Variants in TRMT9B observed in about 807,000 individuals in gnomAD.
The protein encoded by TRMT9B is probable tRNA methyltransferase 9B.
A neutral mutation model predicts 11.5 loss-of-function variants in TRMT9B; 16 were observed. The ratio of observed to expected loss-of-function variants is 1.39; its 90% CI spans 0.94 to 2.11. The LOEUF (loss-of-function observed/expected upper bound fraction) is 2.11. Among genes scored for constraint, TRMT9B ranks in the 30% most tolerant of loss-of-function variants. The pLI is 0.00. For missense variants in TRMT9B, 941 were observed against 553.8 expected (o/e 1.70, Z -7.02); for synonymous variants, 274 against 192.4 (o/e 1.42, Z -3.51).
At chr8:13,008,977 C>T (rs912746157) in intron 3 of TRMT9B, among the ~76,000 whole-genome samples, 1 of 151,960 alleles carries the variant, frequency 6.6e-6, no homozygotes, top group African/African-American at 2.4e-5. Context: ...ATCCACCGAC[C>T]TTCGCCTCCC....
chr8:12,989,978 A>G lies in TRMT9B; in HGVS notation c.-199-856A>G, dbSNP rs191933154. Among the ~76,000 whole-genome samples, 101 of 152,286 alleles carry G rather than the reference A, an allele frequency of 6.6e-4. 1 individual carries two copies. The highest frequency in any genetic ancestry group is 5.8e-3 in the Admixed American group (88 of 15,294). On this transcript the variant is annotated intron_variant, in intron 1 of 4. Transcript: ENST00000524591. ...TTTCCAAAGCACATCCAGATCATTG[A>G]TTCTTAAATAGGGGCCAGGACTAGG...
chr8:13,003,901 A>T (rs1171501354), intron 2 of TRMT9B, among the ~76,000 whole-genome samples: 1 of 150,896 alleles, frequency 6.6e-6, no homozygotes, highest in Non-Finnish European at 1.5e-5. Flanking sequence ...AGCACAGAAG[A>T]GGGTGAGCAA....
intron 1 of TRMT9B, among the ~76,000 whole-genome samples, chr8:12,949,075 G>A (rs150018052): frequency 2.0e-5 from 3 of 152,284 alleles, no homozygotes; most frequent in African/African-American, 7.2e-5. Flanking sequence ...AAAACGTATT[G>A]TTTCTACATA....
At chr8:12,993,634 C>T (rs1212047705) in intron 2 of TRMT9B, among the ~76,000 whole-genome samples, 1 of 152,172 alleles carries the variant, frequency 6.6e-6, no homozygotes, top group Non-Finnish European at 1.5e-5. Context: ...ACTGTGACAA[C>T]TTTGATCTTC....
chr8:13,019,149 G>T (rs952634483), intron 4 of TRMT9B, among the ~76,000 whole-genome samples: 5 of 152,076 alleles, frequency 3.3e-5, no homozygotes, highest in African/African-American at 1.2e-4. Flanking sequence ...TATCAAGTGG[G>T]CAAATTCGCA....
At chr8:12,990,159 A>G (rs865930808) in intron 1 of TRMT9B, among the ~76,000 whole-genome samples, 3 of 152,170 alleles carry the variant, frequency 2.0e-5, no homozygotes, top group African/African-American at 2.4e-5. Context: ...ACTAGGAAAA[A>G]TGGTTGCAGG....
intron 2 of TRMT9B, among the ~76,000 whole-genome samples, chr8:13,001,960 G>C (rs930453994): frequency 9.2e-5 from 14 of 152,116 alleles, no homozygotes; most frequent in Non-Finnish European, 1.9e-4. Flanking sequence ...AACTCACAAG[G>C]AATTTGCTTA....
In TRMT9B at chr8:12,969,746, A is replaced by G. The variant is rs559097168; in HGVS notation, c.-199-21088A>G. ...GAGTGCACTGGTACAATCACGGCTC[A>G]TTGCAGCCTCAAGTGCCTGGGCTCC... On this transcript the variant is annotated intron_variant, in intron 1 of 4. Coordinates refer to ENST00000524591, the MANE Select transcript of TRMT9B (RefSeq NM_020844.3). Among the ~76,000 whole-genome samples, 21 of 151,818 alleles carry G rather than the reference A, an allele frequency of 1.4e-4. No homozygotes were observed. In the East Asian group the frequency reaches 4.1e-3, roughly 29 times the overall value.
At chr8:13,009,655 T>C (rs938744828) in intron 3 of TRMT9B, among the ~76,000 whole-genome samples, 3 of 152,162 alleles carry the variant, frequency 2.0e-5, no homozygotes, top group Non-Finnish European at 2.9e-5. Flanking sequence ...TAGTATACTA[T>C]AAAAACAATT....
chr8:12,979,776 T>A (rs188337642), intron 1 of TRMT9B, among the ~76,000 whole-genome samples: 39 of 152,338 alleles, frequency 2.6e-4, no homozygotes, highest in East Asian at 1.2e-3. Flanking sequence ...ACACATTTTT[T>A]AAAATTTAGT....
At chr8:12,986,594 T>C (rs568432447) in intron 1 of TRMT9B, among the ~76,000 whole-genome samples, 4 of 152,370 alleles carry the variant, frequency 2.6e-5, no homozygotes, top group African/African-American at 9.6e-5. Context: ...TTTGGATGTA[T>C]TCACATGCAT....
At chr8:12,993,412 C>A (rs1006229391) in intron 2 of TRMT9B, among the ~76,000 whole-genome samples, 1 of 152,118 alleles carries the variant, frequency 6.6e-6, no homozygotes, top group Non-Finnish European at 1.5e-5. Context: ...TACGCAGTTA[C>A]CTTTTACTGT....
At position 13,021,170 on chromosome 8, in the gene TRMT9B, T is replaced by C; in HGVS notation, c.491T>C (p.Leu164Pro). Reference protein sequence around the residue: ...QDVLVPWNRALCSQLFSESSQ... With the variant: ...QDVLVPWNRAPCSQLFSESSQ... ...GTGCTTGTTCCATGGAACAGGGCTC[T>C]GTGTTCCCAGCTCTTCTCAGAGTCC... The change falls in exon 5 of 5, where the codon CTG (leucine) becomes CCG (proline). Residue 164 changes from leucine to proline, a missense_variant. Coordinates refer to ENST00000524591, the MANE Select transcript of TRMT9B (RefSeq NM_020844.3). 6.2e-7 allele frequency: 1 copy of C among 1,613,866 alleles called. No individual in the cohort carries two copies. Among genetic ancestry groups the C allele is most frequent in the Non-Finnish European group, 8.5e-7 (1 of 1,179,808 alleles).
intron 1 of TRMT9B, among the ~76,000 whole-genome samples, chr8:12,984,950 A>AACACACACACACAC (rs1489460640): frequency 8.9e-6 from 1 of 112,338 alleles, no homozygotes; most frequent in African/African-American, 3.7e-5. Context: ...CACCTCCCTC[A>AACACACACACACAC]ACATACACAC....
intron 1 of TRMT9B, among the ~76,000 whole-genome samples, chr8:12,953,060 T>C (rs1453226333): frequency 6.6e-6 from 1 of 152,026 alleles, no homozygotes; most frequent in African/African-American, 2.4e-5. Context: ...AGTACTTGGG[T>C]TCTTTGTGAT....
chr8:13,007,740 G>A (rs565625984), intron 3 of TRMT9B: 12 of 152,146 alleles, frequency 7.9e-5, no homozygotes, highest in Admixed American at 2.0e-4. Flanking sequence ...ATCAGTGGGG[G>A]AAAGGAACTA....
rs1814714602 is a variant in TRMT9B at position 13,026,541 on chromosome 8, A to G, written c.*4497A>G. ...CCCTGTCCCAGGGGCTGTTTGTTAA[A>G]AAAGAGTAATAAAGGATTTTTGTTT... On this transcript the variant is annotated 3_prime_UTR_variant, in exon 5 of 5. Transcript: ENST00000524591. 6.0e-6 allele frequency: 1 copy of G among 167,154 alleles called. No homozygotes were observed. The highest frequency in any genetic ancestry group is 2.4e-5 in the African/African-American group (1 of 41,472). The allele number at this position is 167,154 out of a possible 1,614,324, so 10.4% of individuals were successfully genotyped here.
chr8:13,018,067 G>A (rs964025571), intron 4 of TRMT9B, among the ~76,000 whole-genome samples: 1 of 142,466 alleles, frequency 7.0e-6, no homozygotes, highest in Non-Finnish European at 1.5e-5. Flanking sequence ...GGTCACTTAA[G>A]CATTAATAAA....
intron 1 of TRMT9B, among the ~76,000 whole-genome samples, chr8:12,951,134 C>T (rs2128855881): frequency 6.6e-6 from 1 of 152,242 alleles, no homozygotes; most frequent in East Asian, 1.9e-4. Context: ...TGGGCAAAAA[C>T]TTCTAAGTTC....
Sources: gnomAD v4.1 joint callset for allele counts (sites outside exome capture counted in the v4.1 genomes callset) on GRCh38, gnomAD v4.1.1 for gene constraint, MANE v1.5 for transcripts, NCBI Gene and HGNC (gene_info 2026-07-23, HGNC 2026-07-21) for gene names.